The following SMG6 variants were observed in gnomAD, a reference collection of about 807,000 sequenced individuals.
SMG6 encodes the protein telomerase-binding protein EST1A.
Under a neutral mutation model 142.2 loss-of-function variants are expected in SMG6, and 66 were observed. The ratio of observed to expected loss-of-function variants is 0.46; its 90% CI spans 0.38 to 0.57. The LOEUF (loss-of-function observed/expected upper bound fraction) is 0.57, where lower values mean the gene tolerates loss of function less well. Ranked by LOEUF, SMG6 falls within the 20% of genes least tolerant of loss-of-function variation. The probability of loss-of-function intolerance (pLI) is 0.00; values close to 1 mark genes in which losing one functional copy is unlikely to be tolerated. For missense variants in SMG6, 1,793 were observed against 1,832.0 expected (o/e 0.98, Z 0.39); for synonymous variants, 779 against 702.4 (o/e 1.11, Z -1.72).
At chr17:2,170,939 T>C (rs1050425009) in intron 13 of SMG6, among the ~76,000 whole-genome samples, 3 of 152,134 alleles carry the variant, frequency 2.0e-5, no homozygotes, top group African/African-American at 4.8e-5. Context: ...AATGATTCCA[T>C]ATAAGAATAT....
At chr17:2,263,633 T>C (rs1034935665) in intron 8 of SMG6, among the ~76,000 whole-genome samples, 1 of 152,186 alleles carries the variant, frequency 6.6e-6, no homozygotes, top group Non-Finnish European at 1.5e-5. Flanking sequence ...TTTAAATTCT[T>C]TCTGGTCTAG....
At chr17:2,084,658 A>T in intron 14 of SMG6, among the ~76,000 whole-genome samples, 1 of 152,140 alleles carries the variant, frequency 6.6e-6, no homozygotes, top group East Asian at 1.9e-4. Flanking sequence ...CGGGCGCTTG[A>T]GACTGCTGCA....
chr17:2,128,137 C>T (rs895437604), intron 13 of SMG6, among the ~76,000 whole-genome samples: 19 of 152,234 alleles, frequency 1.2e-4, no homozygotes, highest in African/African-American at 3.9e-4. Context: ...GCAGCAGCAG[C>T]GATGCCCAGG....
At chr17:2,277,001 G>C (rs1438499272) in intron 8 of SMG6, among the ~76,000 whole-genome samples, 1 of 151,532 alleles carries the variant, frequency 6.6e-6, no homozygotes, top group Non-Finnish European at 1.5e-5. Context: ...GCCTGGTCTC[G>C]AACTCCCAAC....
intron 13 of SMG6, among the ~76,000 whole-genome samples, chr17:2,094,211 T>C (rs1038869595): frequency 2.6e-5 from 4 of 152,172 alleles, no homozygotes; most frequent in African/African-American, 7.2e-5. Flanking sequence ...AGTGGGATCG[T>C]TGAGGGTTTG....
intron 13 of SMG6, among the ~76,000 whole-genome samples, chr17:2,112,473 A>T (rs1455368642): frequency 6.6e-6 from 1 of 151,358 alleles, no homozygotes; most frequent in Non-Finnish European, 1.5e-5. Flanking sequence ...GTGCCACTGC[A>T]CTCCAGCCTG....
In SMG6 at chr17:2,107,363, G is replaced by A. The variant is rs115606740; in HGVS notation, c.3358-21462C>T. ...TTGGGTTTCCATGCTGTAAAAAAGT[G>A]GGGGAGAAATGCCAGCTACGAAGTA... On this transcript the variant is annotated intron_variant, in intron 13 of 18. Transcript: ENST00000263073. 2.7e-3 allele frequency among the ~76,000 whole-genome samples: 406 copies of A among 152,306 alleles called. 6 individuals carry two copies. The highest frequency in any genetic ancestry group is 8.9e-3 in the African/African-American group (368 of 41,566).
chr17:2,187,309 G>A (rs982907215), intron 11 of SMG6, among the ~76,000 whole-genome samples: 1 of 152,176 alleles, frequency 6.6e-6, no homozygotes, highest in Non-Finnish European at 1.5e-5. Flanking sequence ...AAAGAGACAC[G>A]ATGATATCTA....
chr17:2,160,892 TATATG>T (rs376818383), intron 13 of SMG6, among the ~76,000 whole-genome samples: 144 of 152,092 alleles, frequency 9.5e-4, no homozygotes, highest in African/African-American at 3.4e-3. Context: ...TTCTTTTACA[TATATG>T]ATATTATATT....
intron 2 of SMG6, 71 bp downstream of exon 2, chr17:2,298,835 C>T: frequency 6.9e-7 from 1 of 1,451,146 alleles, no homozygotes; most frequent in East Asian, 2.3e-5. Flanking sequence ...TTCTACCTTC[C>T]TCAGCCATAG....
At chr17:2,127,960 G>C in intron 13 of SMG6, 1 of 547,976 alleles carries the variant, frequency 1.8e-6, no homozygotes, top group African/African-American at 1.9e-5. Context: ...TTGCTGAGTA[G>C]CAAACCCATG....
Position 2,081,836 on chromosome 17 carries a change from G to T in SMG6, c.3655C>A (p.Gln1219Lys). 1 of 1,613,774 alleles carries T rather than the reference G, an allele frequency of 6.2e-7. No individual in the cohort carries two copies. Among genetic ancestry groups the T allele is most frequent in the Non-Finnish European group, 8.5e-7 (1 of 1,180,028 alleles). The change falls in exon 15 of 19, where the codon CAG becomes AAG. Residue 1219 changes from glutamine (Q) to lysine (K), a missense_variant. This residue lies in a region of SMG6 where 1,597 missense variants were observed against 1,584.6 expected (regional missense o/e 1.01). Coordinates refer to ENST00000263073, the MANE Select transcript of SMG6 (RefSeq NM_017575.5). ...KLALARKIAE[Q>K]QRRQEKIQAV... The stretch of plus-strand genomic sequence containing the variant: ...TGGATCTTTTCCTGGCGACGCTGCT[G>T]CTCAGCTATCTTCCTGGCCAGAGCC...
At chr17:2,270,193 G>A (rs956517434) in intron 8 of SMG6, among the ~76,000 whole-genome samples, 2 of 151,948 alleles carry the variant, frequency 1.3e-5, no homozygotes, top group African/African-American at 4.8e-5. Context: ...AAGGATCTCC[G>A]AAGTCCAGTA....
At chr17:2,144,818 A>G (rs935934438) in intron 13 of SMG6, among the ~76,000 whole-genome samples, 1 of 152,106 alleles carries the variant, frequency 6.6e-6, no homozygotes, top group African/African-American at 2.4e-5. Context: ...GCTCACCATG[A>G]GGTTTCCTAA....
intron 15 of SMG6, among the ~76,000 whole-genome samples, chr17:2,079,770 G>T (rs146969684): frequency 6.6e-6 from 1 of 152,122 alleles, no homozygotes; most frequent in East Asian, 1.9e-4. Context: ...GCAGGGACGT[G>T]AATCTGTCTA....
At chr17:2,194,510 G>C (rs1327394159) in intron 10 of SMG6, among the ~76,000 whole-genome samples, 2 of 152,016 alleles carry the variant, frequency 1.3e-5, no homozygotes, top group Non-Finnish European at 2.9e-5. Flanking sequence ...AGGTAGAAGA[G>C]GGAATGAAAA....
intron 8 of SMG6, among the ~76,000 whole-genome samples, chr17:2,278,572 G>A (rs2151374006): frequency 6.6e-6 from 1 of 152,216 alleles, no homozygotes; most frequent in Middle Eastern, 3.4e-3. Flanking sequence ...AACTTGAAAA[G>A]TTCCTTTTAA....
chr17:2,209,867 GAA>G (rs2072796320), intron 10 of SMG6, among the ~76,000 whole-genome samples: 1 of 152,148 alleles, frequency 6.6e-6, no homozygotes, highest in African/African-American at 2.4e-5. Flanking sequence ...ACCATTTACT[GAA>G]CCCTTACTAT....
At chr17:2,097,798 TCTTTCACTAAGA>T (rs1329583550) in intron 13 of SMG6, among the ~76,000 whole-genome samples, 8 of 152,332 alleles carry the variant, frequency 5.3e-5, no homozygotes, top group Non-Finnish European at 1.2e-4. Flanking sequence ...TCCTGCTTAT[TCTTTCACTAAGA>T]CTTTCACTAA....
Sources: gnomAD v4.1 joint callset for allele counts (sites outside exome capture counted in the v4.1 genomes callset) on GRCh38, gnomAD v4.1.1 for gene constraint, gnomAD v4.1.1 regional missense constraint, MANE v1.5 for transcripts, NCBI Gene and HGNC (gene_info 2026-07-23, HGNC 2026-07-21) for gene names.